The following ARVCF variants were observed in gnomAD, a reference collection of about 807,000 sequenced individuals.
ARVCF encodes the protein ARVCF delta catenin family member.
A neutral mutation model predicts 90.9 loss-of-function variants in ARVCF; 66 were observed. The ratio of observed to expected loss-of-function variants is 0.73; its 90% CI spans 0.60 to 0.89. ARVCF has a LOEUF of 0.89. Ranked by LOEUF, ARVCF falls within the 40% of genes least tolerant of loss-of-function variation. The pLI, the probability that ARVCF is intolerant of heterozygous loss-of-function variation, is 0.00. For synonymous variants in ARVCF, 653 were observed against 603.4 expected (o/e 1.08, Z -1.21); for missense variants, 1,469 against 1,382.3 (o/e 1.06, Z -1.00).
Position 19,979,829 on chromosome 22 carries a change from G to T in ARVCF, c.1310C>A (p.Ala437Asp). ...LSYGRDTDNK[A>D]AIRDCGGVPA... The stretch of plus-strand genomic sequence containing the variant: ...CACACCACCGCAGTCCCGGATGGCG[G>T]CCTTGTTGTCAGTGTCGCGGCCATA... Residue 437 changes from alanine (A) to aspartate (D), a missense_variant, in exon 6 of 20, where the codon GCC becomes GAC. Physicochemically the swap from Ala to Asp is moderately radical, Grantham distance 126 (BLOSUM62 -2). Transcript: ENST00000263207. 1 of 1,609,728 alleles carries T rather than the reference G, an allele frequency of 6.2e-7. No homozygotes were observed.
At chr22:20,011,522 G>C (rs1165457799) in intron 1 of ARVCF, among the ~76,000 whole-genome samples, 4 of 152,194 alleles carry the variant, frequency 2.6e-5, no homozygotes, top group African/African-American at 9.7e-5. Context: ...CATGGGAAGG[G>C]GTCCAAGTGA....
At position 19,973,755 on chromosome 22, in the gene ARVCF, G is replaced by C. The variant is rs767440201; in HGVS notation, c.2127C>G (p.Arg709=). ...GCAGTTCCACAAGCACCGGCAGCCC[G>C]CGCTCTTTGCGCACTGTGGCGCGGA... is the stretch of plus-strand genomic sequence containing the variant. ...TYIRATVRKE[R]GLPVLVELLQ... Residue 709 remains arginine, a synonymous_variant, in exon 13 of 20, where the codon CGC becomes CGG. Transcript: ENST00000263207. 6.2e-7 allele frequency: 1 copy of C among 1,607,720 alleles called. No individual in the cohort carries two copies. Among genetic ancestry groups the C allele is most frequent in the African/African-American group, 1.3e-5 (1 of 74,952 alleles).
At chr22:19,969,562 G>A (rs368317277), downstream of ARVCF, 3 of 152,586 alleles carry the variant, frequency 2.0e-5, no homozygotes, top group African/African-American at 7.2e-5. Flanking sequence ...CCACCTCAGA[G>A]GCTCCAAGGG....
intron 2 of ARVCF, 119 bp from the exon 3 acceptor site, chr22:19,990,931 C>G: frequency 1.0e-6 from 1 of 984,088 alleles, no homozygotes; most frequent in Non-Finnish European, 1.5e-6. Context: ...AGCATCCAGC[C>G]CTCTAGAGGG....
intron 11 of ARVCF, 49 bp from the exon 12 acceptor site, chr22:19,974,288 T>TC: frequency 6.4e-7 from 1 of 1,551,874 alleles, no homozygotes; most frequent in East Asian, 2.3e-5. Flanking sequence ...TCTGCTCTCA[T>TC]CCATCATACC....
Position 19,977,474 on chromosome 22 carries a change from A to G in ARVCF, c.1811T>C (p.Val604Ala). The change falls in exon 9 of 20, where the codon GTA becomes GCA. Residue 604 changes from valine to alanine, a missense_variant. By Grantham distance (64) the Val-to-Ala change is moderately conservative (BLOSUM62 0). Transcript: ENST00000263207. The stretch of plus-strand genomic sequence containing the variant: ...ATCCCGCCTCCGGCGCTGGGAGCCT[A>G]CAGCACTGCCCAGGGGCCCGGGCTC... Reference protein sequence around the residue: ...EAEPGPLGSAVGSQRRRRDDA... With the variant: ...EAEPGPLGSAAGSQRRRRDDA... 2 of 1,586,420 alleles carry G rather than the reference A, an allele frequency of 1.3e-6. No individual in the cohort carries two copies. The highest frequency in any genetic ancestry group is 1.7e-6 in the Non-Finnish European group (2 of 1,166,870).
Position 19,977,415 on chromosome 22 carries a change from C to T in ARVCF, c.1870G>A (p.Glu624Lys). ...TGATACCCCAGTCCGCCCCACCCAC[C>T]TTTGGCCTTCTTGCCTCCAAAGCAG... ...ASCFGGKKAKEEWFHQGKKDG... is the reference protein window; with the variant it reads ...ASCFGGKKAKKEWFHQGKKDG... Residue 624 changes from glutamate to lysine, a missense_variant and splice_region_variant, in exon 9 of 20, where the codon GAG (glutamate) becomes AAG (lysine). Glu to Lys is a moderately conservative substitution (Grantham distance 56). Coordinates refer to ENST00000263207, the MANE Select transcript of ARVCF (RefSeq NM_001670.3). The T allele has an allele frequency of 1.3e-6, 2 of 1,522,746 alleles. No homozygotes were observed. Among genetic ancestry groups the T allele is most frequent in the Non-Finnish European group, 1.8e-6 (2 of 1,134,792 alleles). The allele number at this position is 1,522,746 out of a possible 1,614,324, so 94.3% of individuals were successfully genotyped here. A position where few individuals can be genotyped will look rare whatever the true frequency, so the allele number is the denominator to read the frequency against.
At position 19,986,710 on chromosome 22, in the gene ARVCF, G is replaced by C. The variant is rs114818707; in HGVS notation, c.210+3875C>G. On this transcript the variant is annotated intron_variant, in intron 3 of 19. Coordinates refer to ENST00000263207, the MANE Select transcript of ARVCF (RefSeq NM_001670.3). The stretch of plus-strand genomic sequence containing the variant: ...TGCACAGACAGAAGCCGCTCAGGAA[G>C]GCCCTGGCTCTCCACCCGTGTCCCC... 3 of 237,074 alleles carry C rather than the reference G, an allele frequency of 1.3e-5. No individual in the cohort carries two copies. In the East Asian group the frequency reaches 2.4e-4, roughly 19 times the overall value. The allele number at this position is 237,074 out of a possible 1,614,324, so 14.7% of individuals were successfully genotyped here. A position where few individuals can be genotyped will look rare whatever the true frequency, so the allele number is the denominator to read the frequency against.
downstream of ARVCF, chr22:19,968,643 C>T (rs764628606): frequency 2.6e-5 from 42 of 1,613,956 alleles, no homozygotes; most frequent in Admixed American, 3.3e-4. Context: ...GCTTTGAGTG[C>T]ACACACTACC....
downstream of ARVCF, chr22:19,966,909 G>A: frequency 2.0e-6 from 2 of 980,546 alleles, no homozygotes; most frequent in Non-Finnish European, 2.4e-6. Flanking sequence ...AGTGTCACCT[G>A]CTCCTCTGAC....
chr22:20,001,263 A>C (rs1435825430), intron 2 of ARVCF, among the ~76,000 whole-genome samples: 2 of 152,076 alleles, frequency 1.3e-5, no homozygotes, highest in African/African-American at 4.8e-5. Flanking sequence ...CTCTGATCCC[A>C]CATGAGGTTC....
chr22:19,974,192 G>A lies in ARVCF; in HGVS notation c.2008C>T (p.Leu670Phe), dbSNP rs907678586. 6 of 1,612,736 alleles carry A rather than the reference G, an allele frequency of 3.7e-6. No individual in the cohort carries two copies. Among genetic ancestry groups the A allele is most frequent in the Non-Finnish European group, 5.1e-6 (6 of 1,179,836 alleles). ...TTGAAGTTCCGGCTCTCCGTGAGGA[G>A]GGAGAGGTAGAGACGTACCACCTCG... ...QPEVVRLYLS[L>F]LTESRNFNTL... Residue 670 changes from leucine to phenylalanine, a missense_variant, in exon 12 of 20, where the codon CTC (leucine) becomes TTC (phenylalanine). Transcript: ENST00000263207.
In ARVCF at chr22:19,980,001, C is replaced by T. The variant is rs369029314; in HGVS notation, c.1138G>A (p.Ala380Thr). Residue 380 changes from alanine (A) to threonine (T), a missense_variant, in exon 6 of 20, where the codon GCC becomes ACC. Ala to Thr is a moderately conservative substitution (Grantham distance 58). Coordinates refer to ENST00000263207, the MANE Select transcript of ARVCF (RefSeq NM_001670.3). Reference protein sequence around the residue: ...PVDPVKANAAAYLQHLCFENE... With the variant: ...PVDPVKANAATYLQHLCFENE... The stretch of plus-strand genomic sequence containing the variant: ...TCAAAGCACAGATGCTGCAGGTAGG[C>T]GGCCGCATTGGCCTTCACGGGGTCC... 6 of 1,594,840 alleles carry T rather than the reference C, an allele frequency of 3.8e-6. No homozygotes were observed. Among genetic ancestry groups the T allele is most frequent in the South Asian group, 2.3e-5 (2 of 88,788 alleles).
intron 3 of ARVCF, among the ~76,000 whole-genome samples, chr22:19,988,441 C>T (rs1040089306): frequency 6.6e-6 from 1 of 152,390 alleles, no homozygotes; most frequent in Admixed American, 6.5e-5. Flanking sequence ...CACCTATCCA[C>T]CTAAGACGAG....
intron 12 of ARVCF, 146 bp from the exon 13 acceptor site, chr22:19,973,939 G>A: frequency 6.8e-7 from 1 of 1,477,218 alleles, no homozygotes; most frequent in Non-Finnish European, 9.0e-7. Flanking sequence ...CTCCACCGAG[G>A]TTTTCCCACC....
chr22:19,973,319 T>C lies in ARVCF; in HGVS notation c.2240-2A>G. On this transcript the variant is annotated splice_acceptor_variant, in intron 13 of 19. Transcript: ENST00000263207. LOFTEE classifies it high-confidence loss of function. ...CAAGCTCAGCCATGGCGTAGCTCCC[T>C]GAGGGGCAGGACTAGGTGTCAGAAC... The C allele has an allele frequency of 6.3e-7, 1 of 1,592,756 alleles. No homozygotes were observed. Among genetic ancestry groups the C allele is most frequent in the Non-Finnish European group, 8.5e-7 (1 of 1,174,590 alleles).
At chr22:19,974,006 G>A in intron 12 of ARVCF, 106 bp downstream of exon 12, 1 of 1,519,550 alleles carries the variant, frequency 6.6e-7, no homozygotes. Flanking sequence ...TGGGGTGGTG[G>A]TGTGGCCCCT....
chr22:19,990,286 G>T (rs1005552180), intron 3 of ARVCF, among the ~76,000 whole-genome samples: 2 of 152,322 alleles, frequency 1.3e-5, no homozygotes, highest in Non-Finnish European at 2.9e-5. Context: ...CCCCTAAAGT[G>T]TCTCTAGGCA....
At chr22:20,014,293 C>T (rs1019266113) in intron 1 of ARVCF, among the ~76,000 whole-genome samples, 1 of 152,134 alleles carries the variant, frequency 6.6e-6, no homozygotes, top group African/African-American at 2.4e-5. Flanking sequence ...CTCCCCGGTT[C>T]AAGCGATTCT....
Sources: gnomAD v4.1 joint callset for allele counts (sites outside exome capture counted in the v4.1 genomes callset) on GRCh38, gnomAD v4.1.1 for gene constraint, MANE v1.5 for transcripts, NCBI Gene and HGNC (gene_info 2026-07-23, HGNC 2026-07-21) for gene names.